The following DOK4 variants were observed in gnomAD, a reference collection of about 807,000 sequenced individuals.
DOK4 encodes docking protein 4.
Under a neutral mutation model 40.1 loss-of-function variants are expected in DOK4, and 26 were observed. The observed-to-expected ratio is 0.65, with a 90% CI of 0.48 to 0.90. The LOEUF (loss-of-function observed/expected upper bound fraction) is 0.90. Ranked by LOEUF, DOK4 falls within the 40% of genes least tolerant of loss-of-function variation. DOK4 has a pLI of 0.00. For synonymous variants in DOK4, 179 were observed against 177.0 expected (o/e 1.01, Z -0.09); for missense variants, 392 against 437.2 (o/e 0.90, Z 0.92).
intron 5 of DOK4, 38 bp from the exon 6 acceptor site, chr16:57,475,020 GC>G (rs2031079151): frequency 1.3e-6 from 2 of 1,599,996 alleles, no homozygotes; most frequent in Admixed American, 1.7e-5. Flanking sequence ...GACCAGAGTT[GC>G]CCCAGATGGG....
chr16:57,475,345 G>A lies in DOK4; in HGVS notation c.290-126C>T, dbSNP rs2031100029. 2.0e-6 allele frequency: 3 copies of A among 1,495,500 alleles called. No individual in the cohort carries two copies. In the South Asian group the frequency reaches 3.7e-5, roughly 19 times the overall value. The allele number at this position is 1,495,500 out of a possible 1,614,324, so 92.6% of individuals were successfully genotyped here. On this transcript the variant is annotated intron_variant, in intron 4 of 8. Coordinates refer to ENST00000340099, the Ensembl canonical transcript of DOK4. Reference sequence around the variant, plus strand: ...ACAGTGGGTTCTGCCTGCCTGTCTTGCCTCAACCCTGAGGGCCTGCTCCCT... The same window carrying A: ...ACAGTGGGTTCTGCCTGCCTGTCTTACCTCAACCCTGAGGGCCTGCTCCCT...
Position 57,477,002 on chromosome 16 carries a change from ACTC to A in DOK4, c.67-1048_67-1046del, listed in dbSNP as rs562690734. On this transcript the variant is annotated intron_variant, in intron 2 of 8. Coordinates refer to ENST00000340099, the Ensembl canonical transcript of DOK4. ...CAAAGTCTGTGGCTGGGGTTTACCT[ACTC>A]CTTCCAGCGGGCATTCCAAAAGCCC... is the stretch of plus-strand genomic sequence containing the variant. 1.4e-3 allele frequency among the ~76,000 whole-genome samples: 212 copies of A among 151,810 alleles called. 1 individual carries two copies. The highest frequency in any genetic ancestry group is 4.7e-3 in the African/African-American group (194 of 41,362).
chr16:57,476,850 G>C (rs897440946), intron 2 of DOK4, among the ~76,000 whole-genome samples: 2 of 152,208 alleles, frequency 1.3e-5, no homozygotes, highest in Admixed American at 6.5e-5. Context: ...AGAGGGGAGT[G>C]ACCACTCTAG....
rs747996502 is a variant in DOK4 at position 57,474,956 on chromosome 16, A to C, written c.436T>G (p.Cys146Gly). Residue 146 changes from cysteine (C) to glycine (G), a missense_variant, in exon 6 of 9, where the codon TGC (cysteine) becomes GGC (glycine). Physicochemically the swap from Cys to Gly is radical, Grantham distance 159 (BLOSUM62 -3). Transcript: ENST00000340099. ...TCGCCATACACGTCCAGGTTGGGGC[A>C]GGGCAGCAGGAAGACATTGAAGCGA... The C allele has an allele frequency of 1.9e-6, 3 of 1,611,980 alleles. No homozygotes were observed. The East Asian group carries it at 6.7e-5, about 36-fold the overall frequency.
chr16:57,487,276 T>C (rs1279219226), upstream of DOK4: 2 of 152,204 alleles, frequency 1.3e-5, no homozygotes, highest in African/African-American at 4.8e-5. Context: ...CAAAGTGTAG[T>C]CCCTGGACCA....
intron 2 of DOK4, among the ~76,000 whole-genome samples, chr16:57,478,102 G>A (rs1310997050): frequency 1.3e-5 from 2 of 152,226 alleles, no homozygotes; most frequent in African/African-American, 4.8e-5. Context: ...TAGAAGCGAA[G>A]CCTCTGCTTC....
intron 1 of DOK4, among the ~76,000 whole-genome samples, chr16:57,484,808 A>T (rs1328495607): frequency 6.6e-6 from 1 of 152,130 alleles, no homozygotes; most frequent in Non-Finnish European, 1.5e-5. Flanking sequence ...TCACAACATC[A>T]GATGCGGCTG....
intron 1 of DOK4, chr16:57,481,735 C>G (rs2031415605): frequency 6.6e-6 from 1 of 152,210 alleles, no homozygotes. Context: ...CTGGGCAAGC[C>G]GCTTAAGACC....
chr16:57,473,289 A>T, exon 9 of DOK4: 1 of 1,498,210 alleles, frequency 6.7e-7, no homozygotes, highest in Non-Finnish European at 8.9e-7. Context: ...CTCTTGGCCG[A>T]CAGCCCCCTG....
rs571215075 is a variant in DOK4, at chr16:57,479,513, T to G, written c.-6A>C. The G allele has an allele frequency of 6.2e-7, 1 of 1,613,416 alleles. No homozygotes were observed. The highest frequency in any genetic ancestry group is 1.1e-5 in the South Asian group (1 of 91,048). ...TCACTGAAATTGGTCGCCATGGTTTTCCCACCTTTTAGGGGCGCGGGGCCT... is the reference window on the plus strand; with the variant it reads ...TCACTGAAATTGGTCGCCATGGTTTGCCCACCTTTTAGGGGCGCGGGGCCT... On this transcript the variant is annotated 5_prime_UTR_variant, in exon 2 of 9. Coordinates refer to ENST00000340099, the Ensembl canonical transcript of DOK4. This position sits in a 1 kb window ranked among gnomAD's most constrained non-coding sequence, Gnocchi z 5.8.
exon 8 of DOK4, chr16:57,473,681 A>G: frequency 6.2e-7 from 1 of 1,614,210 alleles, no homozygotes; most frequent in Non-Finnish European, 8.5e-7. Context: ...ACTGCGCGGC[A>G]GCATGGTCGT....
rs773064135 is a variant in DOK4, at chr16:57,479,116, G to A, written c.66+326C>T. On this transcript the variant is annotated intron_variant, in intron 2 of 8. Transcript: ENST00000340099. This position sits in a 1 kb window ranked among gnomAD's most constrained non-coding sequence, Gnocchi z 5.8. ...CAGACACAGCCCGGCCTTGCCAGCC[G>A]CCCCTGCTGCTGCTGTGGTGACAAC... Among the ~76,000 whole-genome samples the A allele has an allele frequency of 1.3e-4, 20 of 152,168 alleles. No individual in the cohort carries two copies. Among genetic ancestry groups the A allele is most frequent in the Non-Finnish European group, 2.5e-4 (17 of 68,030 alleles).
chr16:57,482,363 G>GTTTTTTTTTTTTT (rs11390639), intron 1 of DOK4, among the ~76,000 whole-genome samples: 1 of 93,036 alleles, frequency 1.1e-5, no homozygotes, highest in Non-Finnish European at 2.0e-5. Flanking sequence ...TGGGGCTTTT[G>GTTTTTTTTTTTTT]TTTTTTTTTT....
intron 3 of DOK4, 91 bp downstream of exon 3, chr16:57,475,759 C>T: frequency 9.9e-7 from 1 of 1,013,840 alleles, no homozygotes; most frequent in Non-Finnish European, 1.4e-6. Flanking sequence ...CCCCTTTCTC[C>T]CCTCTCTCCC....
intron 2 of DOK4, 170 bp from the exon 3 acceptor site, chr16:57,476,127 G>A (rs2031173738): frequency 1.7e-6 from 1 of 604,032 alleles, no homozygotes; most frequent in Admixed American, 2.9e-5. Flanking sequence ...ACCTCCCTGG[G>A]AGAGAAGCCT....
intron 1 of DOK4, among the ~76,000 whole-genome samples, chr16:57,483,411 A>G (rs2031467334): frequency 1.3e-5 from 2 of 152,130 alleles, no homozygotes; most frequent in Non-Finnish European, 2.9e-5. Flanking sequence ...TGGGAGGATC[A>G]CTTGGGGCCA....
At chr16:57,483,617 G>A (rs553151255) in intron 1 of DOK4, among the ~76,000 whole-genome samples, 1 of 152,102 alleles carries the variant, frequency 6.6e-6, no homozygotes, top group African/African-American at 2.4e-5. Context: ...GTGATAGAGT[G>A]AGACTGTTTC....
intron 2 of DOK4, among the ~76,000 whole-genome samples, chr16:57,476,683 C>T (rs560494894): frequency 5.0e-4 from 76 of 152,322 alleles, no homozygotes; most frequent in Non-Finnish European, 8.7e-4. Flanking sequence ...GCTGGGAACC[C>T]AAAGCTGTTT....
exon 9 of DOK4, chr16:57,473,308 C>T: frequency 6.5e-7 from 1 of 1,546,908 alleles, no homozygotes; most frequent in Non-Finnish European, 8.7e-7. Context: ...TGAGGCTGTC[C>T]ACGGTACACT....
Sources: gnomAD v4.1 joint callset for allele counts (sites outside exome capture counted in the v4.1 genomes callset) on GRCh38, gnomAD v4.1.1 for gene constraint, Gnocchi (gnomAD v3.1) non-coding constraint, MANE v1.5 for transcripts, NCBI Gene and HGNC (gene_info 2026-07-23, HGNC 2026-07-21) for gene names.